PTGR1: variants seen among roughly 807,000 people sequenced by gnomAD.
PTGR1 encodes the protein 15-oxoprostaglandin 13-reductase.
A neutral mutation model predicts 37.7 loss-of-function variants in PTGR1; 23 were observed. The observed-to-expected ratio is 0.61, with a 90% CI of 0.44 to 0.86. The LOEUF (loss-of-function observed/expected upper bound fraction) is 0.86, where lower values mean the gene tolerates loss of function less well. PTGR1 is among the 40% of genes least tolerant of loss of function. PTGR1 has a pLI of 0.00. For missense variants in PTGR1, 351 were observed against 394.3 expected, an observed-to-expected ratio of 0.89 and a Z score of 0.93; for synonymous variants, 134 against 140.0, an observed-to-expected ratio of 0.96 and a Z score of 0.30.
intron 6 of PTGR1, among the ~76,000 whole-genome samples, chr9:111,579,176 C>T (rs1161785655): frequency 6.6e-6 from 1 of 151,818 alleles, no homozygotes; most frequent in African/African-American, 2.4e-5. Flanking sequence ...CCAGCAGGTC[C>T]CTTCTGCATT....
chr9:111,561,417 A>T (rs1343709433), downstream of PTGR1, among the ~76,000 whole-genome samples: 7 of 152,108 alleles, frequency 4.6e-5, no homozygotes, highest in Non-Finnish European at 4.4e-5. Flanking sequence ...CTGGGACTAT[A>T]GGCACACACC....
chr9:111,590,780 T>C (rs1006438214), intron 4 of PTGR1, among the ~76,000 whole-genome samples: 5 of 152,130 alleles, frequency 3.3e-5, no homozygotes, highest in Admixed American at 2.6e-4. Context: ...TCCAAGAGGG[T>C]AAAGAATACA....
In PTGR1 at chr9:111,583,586, C is replaced by G; in HGVS notation, c.381G>C (p.Leu127=). The G allele has an allele frequency of 4.4e-6, 7 of 1,598,034 alleles. No individual in the cohort carries two copies. The highest frequency in any genetic ancestry group is 6.0e-6 in the Non-Finnish European group (7 of 1,165,340). Residue 127 remains leucine, a synonymous_variant, in exon 6 of 10, where the codon CTG becomes CTC. Transcript: ENST00000407693. ...TTTCAAGTAGGCCAAAGTAGGCAGT[C>G]AGGCTAAAGGAAGAAAATTAAGGAT... ...LALGTVGMPG[L]TAYFGLLEIC...
At chr9:111,569,809 A>G in intron 9 of PTGR1, 1 of 406,506 alleles carries the variant, frequency 2.5e-6, no homozygotes, top group Non-Finnish European at 4.6e-6. Context: ...GAGGAATGGC[A>G]GACAGTGAGT....
chr9:111,587,685 C>T (rs547963232), intron 4 of PTGR1, among the ~76,000 whole-genome samples: 18 of 152,064 alleles, frequency 1.2e-4, no homozygotes, highest in African/African-American at 4.3e-4. Flanking sequence ...CTCTTGACCT[C>T]GTGATCCGTC....
intron 1 of PTGR1, among the ~76,000 whole-genome samples, chr9:111,598,351 T>TCCA (rs1829844723): frequency 6.6e-6 from 1 of 152,150 alleles, no homozygotes; most frequent in Non-Finnish European, 1.5e-5. Flanking sequence ...CGAAACCATT[T>TCCA]GGAGCTGCCA....
chr9:111,551,281 C>T (rs574640678), intron 9 of PTGR1, among the ~76,000 whole-genome samples: 1 of 151,504 alleles, frequency 6.6e-6, no homozygotes, highest in Non-Finnish European at 1.5e-5. Flanking sequence ...ACATAACTCA[C>T]ATTTAGATTT....
At chr9:111,551,626 TC>T (rs1827959126) in intron 9 of PTGR1, among the ~76,000 whole-genome samples, 2 of 152,120 alleles carry the variant, frequency 1.3e-5, no homozygotes, top group Admixed American at 6.5e-5. Context: ...GTTCTCCAAC[TC>T]CTAAGCCCAG....
At chr9:111,598,261 T>C (rs184118927) in intron 1 of PTGR1, among the ~76,000 whole-genome samples, 1 of 152,158 alleles carries the variant, frequency 6.6e-6, no homozygotes, top group South Asian at 2.1e-4. Context: ...GTTCAGGATG[T>C]TCTGCTTGGA....
At chr9:111,580,493 C>T (rs957817669) in intron 6 of PTGR1, among the ~76,000 whole-genome samples, 5 of 152,046 alleles carry the variant, frequency 3.3e-5, no homozygotes, top group African/African-American at 9.7e-5. Flanking sequence ...CGGTGGCTCA[C>T]GCCTGTAATC....
intron 9 of PTGR1, among the ~76,000 whole-genome samples, chr9:111,554,736 A>C (rs1828071138): frequency 6.6e-6 from 1 of 152,134 alleles, no homozygotes; most frequent in Non-Finnish European, 1.5e-5. Context: ...TTATTTCTGG[A>C]ATTTTCTATT....
intron 9 of PTGR1, among the ~76,000 whole-genome samples, chr9:111,565,087 G>A (rs1467693650): frequency 6.6e-6 from 1 of 152,048 alleles, no homozygotes; most frequent in Non-Finnish European, 1.5e-5. Context: ...TCGCACCATT[G>A]CACCCCAGCC....
intron 8 of PTGR1, among the ~76,000 whole-genome samples, chr9:111,571,711 A>G (rs1828830314): frequency 6.6e-6 from 1 of 151,972 alleles, no homozygotes; most frequent in East Asian, 1.9e-4. Flanking sequence ...GTCTTACTCT[A>G]TTGCTCTGGT....
At chr9:111,573,818 T>C (rs982221345) in intron 8 of PTGR1, among the ~76,000 whole-genome samples, 2 of 152,194 alleles carry the variant, frequency 1.3e-5, no homozygotes, top group African/African-American at 2.4e-5. Context: ...TGGTTGATAC[T>C]GCTTTTGGAC....
chr9:111,570,094 T>C lies in PTGR1; in HGVS notation c.876A>G (p.Leu292=). ...GGGTGGCTCCGGAGCTCCTTACCTCTAAGACCCATTTCAGCAAGTCCTTCA... is the reference window on the plus strand; with the variant it reads ...GGGTGGCTCCGGAGCTCCTTACCTCCAAGACCCATTTCAGCAAGTCCTTCA... ...KALKDLLKWV[L]EGKIQYKEYI... Residue 292 remains leucine (L), a synonymous_variant, in exon 9 of 10, where the codon TTA becomes TTG. Transcript: ENST00000407693. The C allele has an allele frequency of 6.2e-7, 1 of 1,614,088 alleles. No homozygotes were observed. Among genetic ancestry groups the C allele is most frequent in the South Asian group, 1.1e-5 (1 of 91,066 alleles).
At chr9:111,551,945 T>C (rs141558700) in intron 9 of PTGR1, among the ~76,000 whole-genome samples, 2 of 152,244 alleles carry the variant, frequency 1.3e-5, no homozygotes, top group South Asian at 2.1e-4. Flanking sequence ...ACATTTAAAA[T>C]TTTGTGCATA....
chr9:111,569,018 T>C (rs1828696035), intron 9 of PTGR1, among the ~76,000 whole-genome samples: 2 of 152,216 alleles, frequency 1.3e-5, no homozygotes, highest in East Asian at 1.9e-4. Flanking sequence ...ACTAGAAGTA[T>C]AGAATTGTTA....
intron 8 of PTGR1, 74 bp downstream of exon 8, chr9:111,574,660 G>T (rs779921329): frequency 2.1e-5 from 20 of 951,678 alleles, no homozygotes; most frequent in Non-Finnish European, 3.0e-5. Context: ...AGAGTCACTG[G>T]CCTATGGCAT....
intron 9 of PTGR1, chr9:111,563,843 T>C: frequency 6.6e-6 from 1 of 152,342 alleles, no homozygotes; most frequent in East Asian, 1.9e-4. Flanking sequence ...ATAGTAAAGT[T>C]TAATAACACA....
Sources: allele counts gnomAD v4.1 joint callset (sites outside exome capture counted in the v4.1 genomes callset), GRCh38; gene constraint gnomAD v4.1.1; transcripts MANE v1.5; gene names NCBI Gene and HGNC (gene_info 2026-07-23, HGNC 2026-07-21).